Variants in GPLD1 observed in about 807,000 individuals in gnomAD.
GPLD1 encodes glycosylphosphatidylinositol specific phospholipase D1.
GPLD1 carries 84 observed loss-of-function variants against 112.6 expected under a neutral mutation model. The ratio of observed to expected loss-of-function variants is 0.75; its 90% CI spans 0.63 to 0.89. GPLD1 has a LOEUF of 0.89. Among genes scored for constraint, GPLD1 ranks in the 40% least tolerant of loss-of-function variants. The pLI is 0.00. For missense variants in GPLD1, 1,044 were observed against 1,051.5 expected (o/e 0.99, Z 0.10); for synonymous variants, 386 against 403.8 (o/e 0.96, Z 0.53).
intron 12 of GPLD1, among the ~76,000 whole-genome samples, chr6:24,457,828 G>C (rs1233592518): frequency 6.6e-6 from 1 of 151,660 alleles, no homozygotes; most frequent in African/African-American, 2.4e-5. Context: ...AGCTGAGATC[G>C]TGCCGCTGCA....
rs1309177791 is a variant in GPLD1, at chr6:24,426,745, A to C, written c.*2287T>G. On this transcript the variant is annotated 3_prime_UTR_variant, in exon 25 of 25. Transcript: ENST00000230036. ...AACTCATAAGTGAATACAACTAAGT[A>C]ATTTCTGGTCCCCTAAAAATAACCA... Among the ~76,000 whole-genome samples the C allele has an allele frequency of 6.6e-6, 1 of 152,228 alleles. No homozygotes were observed. The highest frequency in any genetic ancestry group is 1.5e-5 in the Non-Finnish European group (1 of 68,036).
intron 20 of GPLD1, among the ~76,000 whole-genome samples, chr6:24,444,176 T>C (rs1217188652): frequency 6.6e-6 from 1 of 152,144 alleles, no homozygotes; most frequent in African/African-American, 2.4e-5. Context: ...GTTCAATAAT[T>C]ACTTATTCAC....
chr6:24,476,883 A>G (rs1764037160), intron 3 of GPLD1, among the ~76,000 whole-genome samples: 1 of 152,148 alleles, frequency 6.6e-6, no homozygotes, highest in Non-Finnish European at 1.5e-5. Context: ...CTAAACCTCC[A>G]AGAGCCACAA....
chr6:24,473,453 CTA>C (rs1763894733), intron 6 of GPLD1, 164 bp downstream of exon 6: 5 of 455,004 alleles, frequency 1.1e-5, no homozygotes, highest in Non-Finnish European at 2.0e-5. Flanking sequence ...AAATACATCT[CTA>C]TGTTAAATGA....
At chr6:24,494,507 C>T (rs1053756319), upstream of GPLD1, among the ~76,000 whole-genome samples, 3 of 152,170 alleles carry the variant, frequency 2.0e-5, no homozygotes, top group Admixed American at 6.5e-5. Flanking sequence ...GGAGCTACAA[C>T]TGAAGAAGCG....
rs1186690697 is a variant in GPLD1 at position 24,465,203 on chromosome 6, AAAAAAAAAAAGAAAAG to A, written c.821+1461_821+1476del. Among the ~76,000 whole-genome samples, 362 of 143,326 alleles carry A rather than the reference AAAAAAAAAAAGAAAAG, an allele frequency of 2.5e-3. 1 individual carries two copies. The highest frequency in any genetic ancestry group is 9.6e-3 in the African/African-American group (349 of 36,398). 94.0% of individuals were successfully genotyped at this position (143,326 alleles called of 152,430 possible). A position where few individuals can be genotyped will look rare whatever the true frequency, so the allele number is the denominator to read the frequency against. ...CAGAGCAAGACTCTGTCTCAAAAAA[AAAAAAAAAAAGAAAAG>A]AAAAGAAAAGAAAAGAAAAAAAAAG... On this transcript the variant is annotated intron_variant, in intron 10 of 24. Coordinates refer to ENST00000230036, the MANE Select transcript of GPLD1 (RefSeq NM_001503.4).
At position 24,473,210 on chromosome 6, in the gene GPLD1, TA is replaced by T. The variant is rs543349371; in HGVS notation, c.490+408del. ...TTTTACTTTAAGGAAATATCGACCA[TA>T]AGGGTTTAATAAACACCATTCACCA... On this transcript the variant is annotated intron_variant, in intron 6 of 24. Transcript: ENST00000230036. The T allele has an allele frequency of 4.9e-4, 76 of 154,142 alleles. No homozygotes were observed. In the South Asian group the frequency reaches 0.015, roughly 31 times the overall value. 9.5% of individuals were successfully genotyped at this position (154,142 alleles called of 1,614,324 possible).
upstream of GPLD1, among the ~76,000 whole-genome samples, chr6:24,490,307 A>G (rs988339907): frequency 6.6e-6 from 1 of 152,196 alleles, no homozygotes; most frequent in Non-Finnish European, 1.5e-5. Flanking sequence ...CACTTCATCC[A>G]TGGGAAAAAT....
chr6:24,449,382 C>G (rs1368842602), intron 15 of GPLD1, among the ~76,000 whole-genome samples: 1 of 152,144 alleles, frequency 6.6e-6, no homozygotes, highest in Non-Finnish European at 1.5e-5. Context: ...TCCAGGATCT[C>G]TAACTCAGTA....
At chr6:24,446,391 G>A (rs1334620837) in intron 18 of GPLD1, among the ~76,000 whole-genome samples, 3 of 151,858 alleles carry the variant, frequency 2.0e-5, no homozygotes, top group Non-Finnish European at 4.4e-5. Context: ...ACGACTTGTA[G>A]TCCCAGCTAT....
chr6:24,454,076 C>T lies in GPLD1; in HGVS notation c.1274G>A (p.Gly425Asp). The T allele has an allele frequency of 1.9e-6, 3 of 1,613,486 alleles. No individual in the cohort carries two copies. The highest frequency in any genetic ancestry group is 2.5e-6 in the Non-Finnish European group (3 of 1,179,476). Residue 425 changes from glycine to aspartate, a missense_variant, in exon 14 of 25, where the codon GGC (glycine) becomes GAC (aspartate). Coordinates refer to ENST00000230036, the MANE Select transcript of GPLD1 (RefSeq NM_001503.4). ...RVYLIYGNDL[G>D]LPPVDLDLDK... ...CAGGTCCAGGTCAACAGGTGGCAGG[C>T]CCAGGTCATTGCCGTAGATGAGGTA...
chr6:24,490,567 A>C (rs1764528554), upstream of GPLD1, among the ~76,000 whole-genome samples: 1 of 152,034 alleles, frequency 6.6e-6, no homozygotes, highest in Non-Finnish European at 1.5e-5. Flanking sequence ...CGTGATCAAC[A>C]TAGTGAAGAC....
intron 7 of GPLD1, among the ~76,000 whole-genome samples, chr6:24,468,343 A>T (rs1763686918): frequency 2.0e-5 from 3 of 152,168 alleles, no homozygotes; most frequent in South Asian, 4.1e-4. Flanking sequence ...CCTGAGACAA[A>T]TGTATATCTG....
intron 5 of GPLD1, among the ~76,000 whole-genome samples, chr6:24,474,289 A>T (rs1382685942): frequency 6.6e-6 from 1 of 152,156 alleles, no homozygotes; most frequent in African/African-American, 2.4e-5. Flanking sequence ...ATATATAAAA[A>T]TCTCTGAGTT....
intron 20 of GPLD1, among the ~76,000 whole-genome samples, chr6:24,443,405 A>C (rs1339647507): frequency 1.3e-5 from 2 of 152,124 alleles, no homozygotes; most frequent in African/African-American, 2.4e-5. Flanking sequence ...TAATCACAAG[A>C]AACACGGCAC....
At chr6:24,439,798 T>C (rs1302132629) in intron 20 of GPLD1, among the ~76,000 whole-genome samples, 1 of 152,250 alleles carries the variant, frequency 6.6e-6, no homozygotes, top group Non-Finnish European at 1.5e-5. Context: ...TCCCAAATTC[T>C]AGAATGCTAC....
At position 24,442,422 on chromosome 6, in the gene GPLD1, A is replaced by AT. The variant is rs71002496; in HGVS notation, c.2020+3123dup. The stretch of plus-strand genomic sequence containing the variant: ...AGGTGCATGCCACCACATCTGGCTA[A>AT]TTTTTTTTTTTTTTTTTTTTTTTTT... On this transcript the variant is annotated intron_variant, in intron 20 of 24. Transcript: ENST00000230036. Among the ~76,000 whole-genome samples, 51 of 60,634 alleles carry AT rather than the reference A, an allele frequency of 8.4e-4. 2 individuals carry two copies. The highest frequency in any genetic ancestry group is 3.1e-3 in the Admixed American group (12 of 3,816). 39.8% of individuals were successfully genotyped at this position (60,634 alleles called of 152,430 possible).
chr6:24,449,051 C>T (rs755374651), intron 15 of GPLD1, among the ~76,000 whole-genome samples: 1 of 151,952 alleles, frequency 6.6e-6, no homozygotes, highest in Non-Finnish European at 1.5e-5. Context: ...GTATCAGCCT[C>T]GCCCAGGAGT....
At position 24,454,110 on chromosome 6, in the gene GPLD1, C is replaced by T. The variant is rs1463608541; in HGVS notation, c.1240G>A (p.Gly414Arg). The T allele has an allele frequency of 5.0e-6, 8 of 1,613,942 alleles. No individual in the cohort carries two copies. The highest frequency in any genetic ancestry group is 2.2e-5 in the East Asian group (1 of 44,892). ...TTGCCGTAGATGAGGTACACGCGCC[C>T]GATGTGGATGTGGCCGGGGCGGCTG... ...GYSRPGHIHI[G>R]RVYLIYGNDL... Residue 414 changes from glycine (G) to arginine (R), a missense_variant, in exon 14 of 25, where the codon GGG becomes AGG. Gly to Arg is a moderately radical substitution (Grantham distance 125). Transcript: ENST00000230036.
Sources: allele counts gnomAD v4.1 joint callset (sites outside exome capture counted in the v4.1 genomes callset), GRCh38; gene constraint gnomAD v4.1.1; transcripts MANE v1.5; gene names NCBI Gene and HGNC (gene_info 2026-07-23, HGNC 2026-07-21).